Variants in ELAVL4 observed in about 807,000 individuals in gnomAD.
ELAVL4 encodes ELAV-like protein 4.
Under a neutral mutation model 35.6 loss-of-function variants are expected in ELAVL4, and 1 was observed. The ratio of observed to expected loss-of-function variants is 0.03; its 90% CI spans 0.01 to 0.13. ELAVL4 has a LOEUF of 0.13. ELAVL4 is among the 10% of genes least tolerant of loss of function. ELAVL4 has a pLI of 1.00. For missense variants in ELAVL4, 267 were observed against 464.9 expected (o/e 0.57, Z 3.91); for synonymous variants, 156 against 171.0 (o/e 0.91, Z 0.69).
rs1680176215 is a variant in ELAVL4 at position 50,177,134 on chromosome 1, A to T, written c.296A>T (p.Asp99Val). The change falls in exon 3 of 7, where the codon GAT becomes GTT. Residue 99 changes from aspartate (D) to valine (V), a missense_variant. This residue lies in a region of ELAVL4 where 216 missense variants were observed against 409.5 expected (regional missense o/e 0.53). Transcript: ENST00000371824. ...TTTGTTAACTATATTGATCCAAAGG[A>T]TGCAGAGAAAGCCATCAACACTTTA... ...YGFVNYIDPK[D>V]AEKAINTLNG... 1.2e-6 allele frequency: 2 copies of T among 1,613,946 alleles called. No homozygotes were observed. The highest frequency in any genetic ancestry group is 1.7e-5 in the Admixed American group (1 of 60,010).
At position 50,203,009 on chromosome 1, in the gene ELAVL4, T is replaced by G. The variant is rs909213535; in HGVS notation, c.*1831T>G. On this transcript the variant is annotated 3_prime_UTR_variant, in exon 7 of 7. Coordinates refer to ENST00000371824, the MANE Select transcript of ELAVL4 (RefSeq NM_001144774.3). The stretch of plus-strand genomic sequence containing the variant: ...CTGATCATTTTAGTATGTTTGTGCT[T>G]TGTACGGTTATATATTTAAAACGAA... 7.2e-5 allele frequency: 11 copies of G among 152,208 alleles called. No homozygotes were observed. The highest frequency in any genetic ancestry group is 2.4e-4 in the African/African-American group (10 of 41,452). The allele number at this position is 152,208 out of a possible 1,614,324, so 9.4% of individuals were successfully genotyped here. A position where few individuals can be genotyped will look rare whatever the true frequency, so the allele number is the denominator to read the frequency against.
intron 1 of ELAVL4, among the ~76,000 whole-genome samples, chr1:50,119,044 GAAAGAAAGAAAGAA>G (rs2148581034): frequency 1.3e-5 from 1 of 79,908 alleles, no homozygotes; most frequent in South Asian, 4.0e-4. Flanking sequence ...GAAAAAGAAA[GAAAGAAAGAAAGAA>G]AGAAAGAAAG....
rs5774068 is a variant in ELAVL4, at chr1:50,192,519, GCACACACACACACACACACACACA to G, written c.355-1224_355-1201del. On this transcript the variant is annotated intron_variant, in intron 3 of 6. Coordinates refer to ENST00000371824, the MANE Select transcript of ELAVL4 (RefSeq NM_001144774.3). ...TTTGCACACATGCTTTTGTGTGCAC[GCACACACACACACACACACACACA>G]CACACACACACACACACACACTCTC... is the stretch of plus-strand genomic sequence containing the variant. 2.8e-5 allele frequency among the ~76,000 whole-genome samples: 4 copies of G among 140,446 alleles called. No individual in the cohort carries two copies. The East Asian group carries it at 8.6e-4, about 30-fold the overall frequency. The allele number at this position is 140,446 out of a possible 152,430, so 92.1% of individuals were successfully genotyped here. A position where few individuals can be genotyped will look rare whatever the true frequency, so the allele number is the denominator to read the frequency against.
intron 1 of ELAVL4, among the ~76,000 whole-genome samples, chr1:50,125,318 A>G (rs778674575): frequency 2.0e-5 from 3 of 152,090 alleles, no homozygotes; most frequent in Non-Finnish European, 4.4e-5. Flanking sequence ...ATGTTTAAAA[A>G]ATAAAAGATG....
intron 6 of ELAVL4, among the ~76,000 whole-genome samples, chr1:50,199,734 GA>G (rs146166020): frequency 1.0e-4 from 15 of 146,946 alleles, no homozygotes; most frequent in Non-Finnish European, 1.7e-4. Context: ...AAGAAAGAAA[GA>G]AAAAAAAAGA....
At chr1:50,154,680 C>A (rs1675397700) in intron 2 of ELAVL4, among the ~76,000 whole-genome samples, 1 of 152,036 alleles carries the variant, frequency 6.6e-6, no homozygotes, top group South Asian at 2.1e-4. Context: ...GAGTCAAGAG[C>A]ACTTGGCTGC....
intron 1 of ELAVL4, among the ~76,000 whole-genome samples, chr1:50,139,028 C>T (rs1230919768): frequency 1.3e-5 from 2 of 152,160 alleles, no homozygotes; most frequent in African/African-American, 4.8e-5. Context: ...GAAAAAAAAT[C>T]TGCATTTGAA....
chr1:50,122,499 C>A (rs368260465), intron 1 of ELAVL4, among the ~76,000 whole-genome samples: 2 of 152,104 alleles, frequency 1.3e-5, no homozygotes, highest in African/African-American at 4.8e-5. Flanking sequence ...AAACACTGTA[C>A]ATTTTTATAT....
intron 1 of ELAVL4, among the ~76,000 whole-genome samples, chr1:50,049,759 A>G (rs779782345): frequency 1.3e-5 from 2 of 152,204 alleles, no homozygotes; most frequent in African/African-American, 2.4e-5. Context: ...CCACCTATAC[A>G]GAGGATTTTC....
At chr1:50,177,868 A>G (rs1486591568) in intron 3 of ELAVL4, among the ~76,000 whole-genome samples, 1 of 152,230 alleles carries the variant, frequency 6.6e-6, no homozygotes, top group Non-Finnish European at 1.5e-5. Context: ...TTAGGTGGGT[A>G]GATAATATCT....
intron 3 of ELAVL4, chr1:50,179,491 T>C (rs1680674504): frequency 6.6e-6 from 1 of 152,244 alleles, no homozygotes; most frequent in Admixed American, 6.5e-5. Flanking sequence ...TTGTATGCTG[T>C]TTAATAGTCT....
chr1:50,155,508 G>C (rs1197799183), intron 2 of ELAVL4, among the ~76,000 whole-genome samples: 7 of 152,182 alleles, frequency 4.6e-5, no homozygotes, highest in African/African-American at 1.7e-4. Flanking sequence ...TTTATGGCTA[G>C]GGCAGGCAGT....
intron 1 of ELAVL4, among the ~76,000 whole-genome samples, chr1:50,085,936 G>A (rs931750192): frequency 1.3e-5 from 2 of 152,162 alleles, no homozygotes; most frequent in Admixed American, 1.3e-4. Flanking sequence ...CTAGTTGTGA[G>A]GGTAGATGTT....
At chr1:50,112,887 G>T (rs558979476) in intron 1 of ELAVL4, among the ~76,000 whole-genome samples, 1 of 152,106 alleles carries the variant, frequency 6.6e-6, no homozygotes, top group African/African-American at 2.4e-5. Context: ...GAAAATTAGG[G>T]TGTTGTTATG....
intron 1 of ELAVL4, among the ~76,000 whole-genome samples, chr1:50,092,584 T>C (rs1359326094): frequency 6.6e-6 from 1 of 152,196 alleles, no homozygotes; most frequent in Non-Finnish European, 1.5e-5. Context: ...AATTTAGTCT[T>C]TGATTATGTA....
chr1:50,189,369 C>A (rs994392597), intron 3 of ELAVL4, among the ~76,000 whole-genome samples: 22 of 152,238 alleles, frequency 1.4e-4, no homozygotes, highest in African/African-American at 5.1e-4. Flanking sequence ...CCTGATGCCC[C>A]ATCTGTGATG....
At chr1:50,130,577 A>T (rs1670681146) in intron 1 of ELAVL4, among the ~76,000 whole-genome samples, 1 of 152,182 alleles carries the variant, frequency 6.6e-6, no homozygotes, top group South Asian at 2.1e-4. Context: ...TCAGCATTAT[A>T]ACAGGATTTC....
chr1:50,191,229 C>T (rs543894497), intron 3 of ELAVL4, among the ~76,000 whole-genome samples: 2 of 152,326 alleles, frequency 1.3e-5, no homozygotes, highest in East Asian at 3.9e-4. Flanking sequence ...ACCACTGTAC[C>T]TGGCTCATAG....
chr1:50,160,643 C>T lies in ELAVL4; in HGVS notation c.250+15446C>T, dbSNP rs144387228. Among the ~76,000 whole-genome samples the T allele has an allele frequency of 2.1e-4, 32 of 152,288 alleles. No homozygotes were observed. In the East Asian group the frequency reaches 5.8e-3, roughly 28 times the overall value. ...TTAGTGTTATTTCAGAAAGGACACG[C>T]TGACAGAGGTTTTCAAAGTCCTTCA... On this transcript the variant is annotated intron_variant, in intron 2 of 6. Coordinates refer to ENST00000371824, the MANE Select transcript of ELAVL4 (RefSeq NM_001144774.3).
Sources: allele counts gnomAD v4.1 joint callset (sites outside exome capture counted in the v4.1 genomes callset), GRCh38; gene constraint gnomAD v4.1.1; regional missense constraint gnomAD v4.1.1; transcripts MANE v1.5; gene names NCBI Gene and HGNC (gene_info 2026-07-23, HGNC 2026-07-21).